Variants in GHR observed in about 807,000 individuals in gnomAD.
GHR encodes growth hormone receptor.
In GHR, 35 loss-of-function variants were observed where a neutral mutation model predicts 67.1. The observed-to-expected ratio is 0.52, with a 90% confidence interval of 0.40 to 0.69. The LOEUF (loss-of-function observed/expected upper bound fraction) is 0.69. GHR is among the 30% of genes least tolerant of loss of function. GHR has a pLI of 0.00. For synonymous variants in GHR, 272 were observed against 269.1 expected (o/e 1.01, Z -0.10); for missense variants, 792 against 764.6 (o/e 1.04, Z -0.42).
At chr5:42,598,821 T>A (rs1252449575) in intron 2 of GHR, among the ~76,000 whole-genome samples, 2 of 152,244 alleles carry the variant, frequency 1.3e-5, no homozygotes, top group African/African-American at 4.8e-5. Context: ...TAAATTGGAT[T>A]GCAAATTTGG....
rs901556963 is a variant in GHR at position 42,467,451 on chromosome 5, A to G, written c.-12+43496A>G. On this transcript the variant is annotated intron_variant, in intron 1 of 9. Transcript: ENST00000230882. Reference sequence around the variant, plus strand: ...TTGAGCTCCCAGTAAATGTTTTCCGACACTCATTACATTTACAGCATTTTT... The same window carrying G: ...TTGAGCTCCCAGTAAATGTTTTCCGGCACTCATTACATTTACAGCATTTTT... 5.2e-6 allele frequency: 5 copies of G among 967,302 alleles called. No homozygotes were observed. The African/African-American group carries it at 8.1e-5, about 16-fold the overall frequency. The allele number at this position is 967,302 out of a possible 1,614,324, so 59.9% of individuals were successfully genotyped here.
intron 1 of GHR, among the ~76,000 whole-genome samples, chr5:42,539,841 T>C (rs191904572): frequency 3.3e-5 from 5 of 152,322 alleles, no homozygotes; most frequent in South Asian, 2.1e-4. Context: ...TATATGTTTA[T>C]ACTAAGCATT....
intron 1 of GHR, among the ~76,000 whole-genome samples, chr5:42,474,116 G>A (rs1477352657): frequency 6.6e-6 from 1 of 151,570 alleles, no homozygotes; most frequent in Non-Finnish European, 1.5e-5. Flanking sequence ...TTGAACCGAG[G>A]AGGCAGAGGT....
At chr5:42,592,129 G>A (rs1751813626) in intron 2 of GHR, among the ~76,000 whole-genome samples, 1 of 152,182 alleles carries the variant, frequency 6.6e-6, no homozygotes, top group Non-Finnish European at 1.5e-5. Flanking sequence ...TTCCTAGTAG[G>A]TTGCTGTGGT....
chr5:42,627,050 G>A (rs941622117), intron 2 of GHR, among the ~76,000 whole-genome samples: 1 of 152,116 alleles, frequency 6.6e-6, no homozygotes, highest in South Asian at 2.1e-4. Context: ...TACTACTAAT[G>A]TCAATCAAAT....
chr5:42,647,702 G>A (rs1303105160), intron 3 of GHR: 1 of 443,902 alleles, frequency 2.3e-6, no homozygotes, highest in South Asian at 1.6e-5. Context: ...CCAACTTGAA[G>A]GAAGCATGAA....
intron 2 of GHR, among the ~76,000 whole-genome samples, chr5:42,566,204 T>G (rs1749924611): frequency 1.3e-5 from 2 of 152,130 alleles, no homozygotes; most frequent in Admixed American, 1.3e-4. Context: ...CTGAGGACAT[T>G]TATGTTGAAG....
At chr5:42,507,041 T>A (rs925125022) in intron 1 of GHR, among the ~76,000 whole-genome samples, 2 of 152,242 alleles carry the variant, frequency 1.3e-5, no homozygotes, top group Non-Finnish European at 2.9e-5. Context: ...TGTTGGAAAC[T>A]TATGAAAATA....
chr5:42,640,598 G>T (rs1287330193), intron 3 of GHR, among the ~76,000 whole-genome samples: 1 of 151,636 alleles, frequency 6.6e-6, no homozygotes, highest in Non-Finnish European at 1.5e-5. Context: ...TTTCTGGAAG[G>T]ATAAGAAAAA....
chr5:42,704,532 TTC>T (rs1758081509), intron 6 of GHR, among the ~76,000 whole-genome samples: 1 of 151,950 alleles, frequency 6.6e-6, no homozygotes, highest in Admixed American at 6.6e-5. Context: ...GTAGTGTCCT[TTC>T]ATGGTTTGGG....
intron 3 of GHR, among the ~76,000 whole-genome samples, chr5:42,670,587 T>C (rs1300140135): frequency 6.6e-6 from 1 of 152,092 alleles, no homozygotes; most frequent in Non-Finnish European, 1.5e-5. Context: ...AGAGACAACC[T>C]ACAGATTAGG....
chr5:42,542,279 G>C (rs1281160527), intron 1 of GHR, among the ~76,000 whole-genome samples: 2 of 152,142 alleles, frequency 1.3e-5, no homozygotes, highest in African/African-American at 4.8e-5. Flanking sequence ...GTGATCCATT[G>C]TGGCAAGTGT....
At chr5:42,692,682 T>G (rs1053356387) in intron 4 of GHR, among the ~76,000 whole-genome samples, 1 of 152,100 alleles carries the variant, frequency 6.6e-6, no homozygotes, top group African/African-American at 2.4e-5. Context: ...CTAAACAGGG[T>G]TTTTTAAACA....
In GHR at chr5:42,718,333, A is replaced by G. The variant is rs937839283; in HGVS notation, c.946-120A>G. The G allele has an allele frequency of 2.6e-5, 19 of 732,688 alleles. No homozygotes were observed. The African/African-American group carries it at 3.0e-4, about 12-fold the overall frequency. The allele number at this position is 732,688 out of a possible 1,614,324, so 45.4% of individuals were successfully genotyped here. On this transcript the variant is annotated intron_variant, in intron 9 of 9. Transcript: ENST00000230882. ...GTTACACACTAATTTATGTTTTTTT[A>G]TATGTTTTGTTACTGTTGTTCTTAT...
intron 6 of GHR, among the ~76,000 whole-genome samples, chr5:42,710,846 C>A (rs1354708270): frequency 6.6e-6 from 1 of 152,138 alleles, no homozygotes; most frequent in Non-Finnish European, 1.5e-5. Context: ...TGTCTCCCTT[C>A]ATACAAAAGT....
At chr5:42,635,725 T>C (rs183914665) in intron 3 of GHR, among the ~76,000 whole-genome samples, 2 of 152,272 alleles carry the variant, frequency 1.3e-5, no homozygotes, top group Admixed American at 1.3e-4. Flanking sequence ...TACCACTTAG[T>C]TTACAAGAGA....
intron 3 of GHR, among the ~76,000 whole-genome samples, chr5:42,635,939 G>A (rs1017896644): frequency 3.3e-5 from 5 of 151,756 alleles, no homozygotes; most frequent in African/African-American, 7.3e-5. Context: ...GGCCAGACGC[G>A]GTGGCTCATG....
At chr5:42,468,727 G>C in intron 1 of GHR, 1 of 995,172 alleles carries the variant, frequency 1.0e-6, no homozygotes, top group South Asian at 1.3e-5. Context: ...CTTGGCCCCA[G>C]AGACGCCGCC....
At chr5:42,607,613 T>C (rs1214897124) in intron 2 of GHR, among the ~76,000 whole-genome samples, 1 of 152,070 alleles carries the variant, frequency 6.6e-6, no homozygotes, top group African/African-American at 2.4e-5. Context: ...ATATAAATGA[T>C]GGTAGAATTT....
Sources: gnomAD v4.1 joint callset for allele counts (sites outside exome capture counted in the v4.1 genomes callset) on GRCh38, gnomAD v4.1.1 for gene constraint, MANE v1.5 for transcripts, NCBI Gene and HGNC (gene_info 2026-07-23, HGNC 2026-07-21) for gene names.